TMEM65: variants seen among roughly 807,000 people sequenced by gnomAD.
The protein encoded by TMEM65 is transmembrane protein 65.
Under a neutral mutation model 25.4 loss-of-function variants are expected in TMEM65, and 22 were observed. The ratio of observed to expected loss-of-function variants is 0.86; its 90% CI spans 0.62 to 1.23. TMEM65 has a LOEUF of 1.23. Among genes scored for constraint, TMEM65 ranks in the 50% most tolerant of loss-of-function variants. TMEM65 has a pLI of 0.00. For synonymous variants in TMEM65, 132 were observed against 126.2 expected (o/e 1.05, Z -0.31); for missense variants, 262 against 308.2 (o/e 0.85, Z 1.12).
In TMEM65 at chr8:124,311,146, G is replaced by A. The variant is rs1814153673; in HGVS notation, c.*2814C>T. ...ATATCTGCTGTAAATACCCATCAGT[G>A]TGACTTATGTGAGTCTATCTAAAGC... is the stretch of plus-strand genomic sequence containing the variant. On this transcript the variant is annotated 3_prime_UTR_variant, in exon 7 of 7. Coordinates refer to ENST00000297632, the MANE Select transcript of TMEM65 (RefSeq NM_194291.3). 6.6e-6 allele frequency: 1 copy of A among 152,144 alleles called. No homozygotes were observed. Among genetic ancestry groups the A allele is most frequent in the African/African-American group, 2.4e-5 (1 of 41,416 alleles). The allele number at this position is 152,144 out of a possible 1,614,324, so 9.4% of individuals were successfully genotyped here. A position where few individuals can be genotyped will look rare whatever the true frequency, so the allele number is the denominator to read the frequency against.
chr8:124,340,931 C>T (rs542188584), intron 1 of TMEM65, among the ~76,000 whole-genome samples: 1 of 147,602 alleles, frequency 6.8e-6, no homozygotes, highest in Non-Finnish European at 1.5e-5. Context: ...GCCACACTGA[C>T]AAACTGTGCT....
chr8:124,316,892 T>C (rs1210045202), intron 6 of TMEM65, among the ~76,000 whole-genome samples: 4 of 152,180 alleles, frequency 2.6e-5, no homozygotes, highest in Non-Finnish European at 4.4e-5. Flanking sequence ...AAAATTAACA[T>C]TCTACTTTCT....
At chr8:124,353,446 G>A (rs1586470453) in intron 1 of TMEM65, among the ~76,000 whole-genome samples, 1 of 151,924 alleles carries the variant, frequency 6.6e-6, no homozygotes, top group Admixed American at 6.6e-5. Context: ...AATACATAAA[G>A]ACACATAGAA....
At chr8:124,370,832 T>C (rs146651877) in intron 1 of TMEM65, among the ~76,000 whole-genome samples, 52 of 152,368 alleles carry the variant, frequency 3.4e-4, no homozygotes, top group African/African-American at 1.1e-3. Context: ...GAGATGTTTA[T>C]GTACCTACCA....
chr8:124,343,521 T>C lies in TMEM65; in HGVS notation c.305-12729A>G, dbSNP rs115189812. 6.6e-3 allele frequency among the ~76,000 whole-genome samples: 997 copies of C among 152,184 alleles called. 11 individuals are homozygous for C. Among genetic ancestry groups the C allele is most frequent in the African/African-American group, 0.022 (933 of 41,548 alleles). On this transcript the variant is annotated intron_variant, in intron 1 of 6. Coordinates refer to ENST00000297632, the MANE Select transcript of TMEM65 (RefSeq NM_194291.3). ...CCTTGAATTCTGTTGGAAAAAACAA[T>C]ACCAACATGTTCTCTGCAGTAAAAT... is the stretch of plus-strand genomic sequence containing the variant.
In TMEM65 at chr8:124,313,622, A is replaced by T. The variant is rs1485102670; in HGVS notation, c.*338T>A. Reference sequence around the variant, plus strand: ...GGAACAACGAAAAATGCTTTCATGCATGTACACATGTTAAGTAACAAATAA... The same window carrying T: ...GGAACAACGAAAAATGCTTTCATGCTTGTACACATGTTAAGTAACAAATAA... On this transcript the variant is annotated 3_prime_UTR_variant, in exon 7 of 7. Coordinates refer to ENST00000297632, the MANE Select transcript of TMEM65 (RefSeq NM_194291.3). 5 of 179,214 alleles carry T rather than the reference A, an allele frequency of 2.8e-5. No homozygotes were observed. In the Admixed American group the frequency reaches 3.0e-4, roughly 11 times the overall value. 11.1% of individuals were successfully genotyped at this position (179,214 alleles called of 1,614,324 possible).
intron 6 of TMEM65, among the ~76,000 whole-genome samples, chr8:124,318,369 G>GTTTTTTTT (rs35876350): frequency 1.2e-4 from 8 of 64,948 alleles, no homozygotes; most frequent in Non-Finnish European, 1.3e-4. Flanking sequence ...GCATGTTTTT[G>GTTTTTTTT]TTTTTTTTTT....
In TMEM65 at chr8:124,327,340, GAGAA is replaced by G. The variant is rs758886520; in HGVS notation, c.417+10_417+13del. 4.2e-4 allele frequency: 655 copies of G among 1,575,662 alleles called. No individual in the cohort carries two copies. The highest frequency in any genetic ancestry group is 5.4e-4 in the Non-Finnish European group (628 of 1,154,066). On this transcript the variant is annotated intron_variant, in intron 3 of 6. Coordinates refer to ENST00000297632, the MANE Select transcript of TMEM65 (RefSeq NM_194291.3). ...TATGAACTCAAAATAGAAGCAGTGA[GAGAA>G]AGAACTTACAGCAACAATCATAATT...
chr8:124,352,126 C>T (rs4355753), intron 1 of TMEM65, among the ~76,000 whole-genome samples: 13,713 of 152,146 alleles, frequency 0.09, 681 homozygotes, highest in African/African-American at 0.13. Flanking sequence ...ACATATGTTT[C>T]TACAGAGTGA....
intron 1 of TMEM65, among the ~76,000 whole-genome samples, chr8:124,365,751 C>G (rs558656114): frequency 3.3e-5 from 5 of 152,214 alleles, no homozygotes; most frequent in African/African-American, 7.2e-5. Context: ...ACCAAGGAAT[C>G]CCAAAAGATG....
chr8:124,367,096 A>T (rs888678156), intron 1 of TMEM65, among the ~76,000 whole-genome samples: 6 of 152,210 alleles, frequency 3.9e-5, no homozygotes, highest in Admixed American at 6.5e-5. Flanking sequence ...CTTTATTTGC[A>T]GTATAAAATG....
At position 124,308,766 on chromosome 8, in the gene TMEM65, G is replaced by A. The variant is rs1814123557; in HGVS notation, c.*5194C>T. 6.6e-6 allele frequency: 1 copy of A among 152,108 alleles called. No individual in the cohort carries two copies. The highest frequency in any genetic ancestry group is 2.4e-5 in the African/African-American group (1 of 41,416). The allele number at this position is 152,108 out of a possible 1,614,324, so 9.4% of individuals were successfully genotyped here. On this transcript the variant is annotated 3_prime_UTR_variant, in exon 7 of 7. Coordinates refer to ENST00000297632, the MANE Select transcript of TMEM65 (RefSeq NM_194291.3). ...AAACAAATCAACATTAGACAATCTGGTAGAAGTGTTCTGATTATTCAAGAC... is the reference window on the plus strand; with the variant it reads ...AAACAAATCAACATTAGACAATCTGATAGAAGTGTTCTGATTATTCAAGAC...
intron 1 of TMEM65, among the ~76,000 whole-genome samples, chr8:124,362,875 G>C (rs976522497): frequency 6.6e-6 from 1 of 152,076 alleles, no homozygotes; most frequent in Non-Finnish European, 1.5e-5. Flanking sequence ...TAAGTAAACT[G>C]CAAAAAAAGA....
intron 6 of TMEM65, among the ~76,000 whole-genome samples, chr8:124,314,609 T>C: frequency 6.6e-6 from 1 of 152,306 alleles, no homozygotes; most frequent in African/African-American, 2.4e-5. Context: ...ACCTACATTA[T>C]AAAAATTTTA....
At chr8:124,352,608 G>A (rs949436351) in intron 1 of TMEM65, among the ~76,000 whole-genome samples, 2 of 152,134 alleles carry the variant, frequency 1.3e-5, no homozygotes, top group African/African-American at 4.8e-5. Flanking sequence ...TCCTAGAAGA[G>A]GTAGGATTTA....
chr8:124,354,055 T>A (rs760396304), intron 1 of TMEM65, among the ~76,000 whole-genome samples: 47 of 152,116 alleles, frequency 3.1e-4, no homozygotes, highest in Non-Finnish European at 8.8e-5. Flanking sequence ...GATACTCCTG[T>A]CAAAGATGCA....
chr8:124,319,244 G>A (rs937658382), intron 6 of TMEM65, among the ~76,000 whole-genome samples: 2 of 151,980 alleles, frequency 1.3e-5, no homozygotes, highest in African/African-American at 2.4e-5. Context: ...AATTCAATGC[G>A]TCCAAAATAG....
intron 1 of TMEM65, among the ~76,000 whole-genome samples, chr8:124,342,139 C>T (rs1303973618): frequency 6.6e-6 from 1 of 152,030 alleles, no homozygotes; most frequent in Admixed American, 6.6e-5. Flanking sequence ...ATTTCCCTGT[C>T]AACTGTATCA....
chr8:124,353,796 T>C (rs894182484), intron 1 of TMEM65, among the ~76,000 whole-genome samples: 4 of 152,172 alleles, frequency 2.6e-5, no homozygotes, highest in Admixed American at 6.5e-5. Flanking sequence ...TCAAAAATGA[T>C]AGTAATGAAT....
Sources: gnomAD v4.1 joint callset for allele counts (sites outside exome capture counted in the v4.1 genomes callset) on GRCh38, gnomAD v4.1.1 for gene constraint, MANE v1.5 for transcripts, NCBI Gene and HGNC (gene_info 2026-07-23, HGNC 2026-07-21) for gene names.